Variants in ZNF804A observed in about 807,000 individuals in gnomAD.
The protein encoded by ZNF804A is zinc finger protein 804A.
Under a neutral mutation model 16.5 loss-of-function variants are expected in ZNF804A, and 2 were observed. The ratio of observed to expected loss-of-function variants is 0.12; its 90% CI spans 0.05 to 0.38. ZNF804A has a LOEUF of 0.38. ZNF804A is among the 10% of genes least tolerant of loss of function. The pLI, the probability that ZNF804A is intolerant of heterozygous loss-of-function variation, is 0.99. For synonymous variants in ZNF804A, 534 were observed against 489.6 expected, an observed-to-expected ratio of 1.09 and a Z score of -1.20; for missense variants, 1,473 against 1,390.7, an observed-to-expected ratio of 1.06 and a Z score of -0.94.
intron 2 of ZNF804A, among the ~76,000 whole-genome samples, chr2:184,886,804 C>A (rs183507603): frequency 6.6e-6 from 1 of 152,302 alleles, no homozygotes; most frequent in East Asian, 1.9e-4. Flanking sequence ...CTGCACACAG[C>A]GTGGGGGCCT....
intron 2 of ZNF804A, among the ~76,000 whole-genome samples, chr2:184,891,781 T>G (rs1016897383): frequency 6.6e-6 from 1 of 152,212 alleles, no homozygotes; most frequent in Non-Finnish European, 1.5e-5. Context: ...CTTTATCCAG[T>G]ATTAACAATA....
intron 1 of ZNF804A, among the ~76,000 whole-genome samples, chr2:184,801,787 T>C (rs1420566748): frequency 2.6e-5 from 4 of 152,244 alleles, no homozygotes; most frequent in African/African-American, 7.2e-5. Flanking sequence ...AATAACAGTA[T>C]ACTTCTGATG....
chr2:184,623,470 T>C (rs1691448840), intron 1 of ZNF804A, among the ~76,000 whole-genome samples: 1 of 152,138 alleles, frequency 6.6e-6, no homozygotes, highest in African/African-American at 2.4e-5. Context: ...GTACTAAATG[T>C]ATGTAAATTA....
chr2:184,857,715 A>G (rs190958767), intron 1 of ZNF804A, among the ~76,000 whole-genome samples: 4 of 152,312 alleles, frequency 2.6e-5, no homozygotes, highest in East Asian at 3.9e-4. Context: ...TTAACACTAT[A>G]TAATGACCTT....
At chr2:184,779,368 C>A (rs1694339889) in intron 1 of ZNF804A, among the ~76,000 whole-genome samples, 1 of 151,686 alleles carries the variant, frequency 6.6e-6, no homozygotes, top group Non-Finnish European at 1.5e-5. Flanking sequence ...TCTGTTGCTT[C>A]AGAGCTGTTT....
intron 1 of ZNF804A, among the ~76,000 whole-genome samples, chr2:184,657,306 C>G (rs1035609239): frequency 5.9e-5 from 9 of 152,060 alleles, no homozygotes; most frequent in Admixed American, 2.0e-4. Flanking sequence ...GGGTTAGTCT[C>G]GAACTCCTGG....
At chr2:184,603,332 G>A (rs566066948) in intron 1 of ZNF804A, among the ~76,000 whole-genome samples, 7 of 152,216 alleles carry the variant, frequency 4.6e-5, no homozygotes, top group African/African-American at 1.7e-4. Flanking sequence ...TGACATGTTT[G>A]TAGGTTTCTT....
intron 1 of ZNF804A, among the ~76,000 whole-genome samples, chr2:184,687,276 G>A (rs934314737): frequency 6.6e-6 from 1 of 152,138 alleles, no homozygotes; most frequent in African/African-American, 2.4e-5. Context: ...TATTGAACCT[G>A]GAGTCCTTTA....
At chr2:184,651,242 A>G (rs1376866947) in intron 1 of ZNF804A, among the ~76,000 whole-genome samples, 2 of 152,026 alleles carry the variant, frequency 1.3e-5, no homozygotes, top group East Asian at 1.9e-4. Flanking sequence ...CTAGCCATAT[A>G]CAGAAGGTGG....
At chr2:184,914,935 A>T (rs553397696) in intron 2 of ZNF804A, among the ~76,000 whole-genome samples, 5 of 151,830 alleles carry the variant, frequency 3.3e-5, no homozygotes, top group African/African-American at 1.2e-4. Context: ...TTACTTGTGA[A>T]TGTTCAATGA....
chr2:184,631,684 G>A (rs80243100), intron 1 of ZNF804A, among the ~76,000 whole-genome samples: 2,920 of 152,256 alleles, frequency 0.019, 38 homozygotes, highest in Non-Finnish European at 0.03. Flanking sequence ...TTAATGAAAT[G>A]AAATTTGGTA....
At chr2:184,728,677 G>T (rs367677483) in intron 1 of ZNF804A, among the ~76,000 whole-genome samples, 106 of 151,920 alleles carry the variant, frequency 7.0e-4, no homozygotes, top group African/African-American at 2.5e-3. Context: ...ATTGGAAGAA[G>T]TTTCTTTCTA....
rs148567427 is a variant in ZNF804A at position 184,931,733 on chromosome 2, G to A, written c.256-1870G>A. 1.6e-4 allele frequency among the ~76,000 whole-genome samples: 25 copies of A among 152,278 alleles called. No individual in the cohort carries two copies. In the East Asian group the frequency reaches 4.8e-3, roughly 29 times the overall value. On this transcript the variant is annotated intron_variant, in intron 2 of 3. Transcript: ENST00000302277. ...TTACTTATGCAAATTTCCGCAGCCA[G>A]CTTGAATTTCTCCTCAGAAAATGGG...
intron 2 of ZNF804A, among the ~76,000 whole-genome samples, chr2:184,899,883 A>C (rs1685150596): frequency 6.6e-6 from 1 of 151,984 alleles, no homozygotes; most frequent in Non-Finnish European, 1.5e-5. Context: ...TGCAAAAGTA[A>C]AGTTTTTCTT....
intron 2 of ZNF804A, among the ~76,000 whole-genome samples, chr2:184,896,255 T>A (rs1685064346): frequency 6.6e-6 from 1 of 152,112 alleles, no homozygotes; most frequent in African/African-American, 2.4e-5. Flanking sequence ...TCTAACTCCC[T>A]ATCAGGATGC....
At chr2:184,857,336 A>G (rs541171291) in intron 1 of ZNF804A, among the ~76,000 whole-genome samples, 22 of 152,146 alleles carry the variant, frequency 1.4e-4, no homozygotes, top group Non-Finnish European at 2.9e-4. Flanking sequence ...GTGATCAGAA[A>G]TAAAGATTGA....
At chr2:184,854,105 C>G (rs964786105) in intron 1 of ZNF804A, among the ~76,000 whole-genome samples, 18 of 151,920 alleles carry the variant, frequency 1.2e-4, no homozygotes, top group African/African-American at 4.3e-4. Flanking sequence ...TCTTCCTACT[C>G]ATTATTGGCC....
rs534184305 is a variant in ZNF804A, at chr2:184,856,641, G to A, written c.112-9728G>A. 1.7e-4 allele frequency among the ~76,000 whole-genome samples: 26 copies of A among 152,178 alleles called. No individual in the cohort carries two copies. In the East Asian group the frequency reaches 3.3e-3, roughly 19 times the overall value. The stretch of plus-strand genomic sequence containing the variant: ...TGGTGATACCAAACAACCACAGATC[G>A]TACAGAAGTGGCTGAGATAGTGACA... On this transcript the variant is annotated intron_variant, in intron 1 of 3. Coordinates refer to ENST00000302277, the MANE Select transcript of ZNF804A (RefSeq NM_194250.2).
intron 1 of ZNF804A, among the ~76,000 whole-genome samples, chr2:184,740,032 G>T (rs1448808217): frequency 6.7e-6 from 1 of 149,026 alleles, no homozygotes; most frequent in Non-Finnish European, 1.5e-5. Flanking sequence ...CTGTATTTTA[G>T]TCAACCATCT....
Sources: allele counts gnomAD v4.1 joint callset (sites outside exome capture counted in the v4.1 genomes callset), GRCh38; gene constraint gnomAD v4.1.1; transcripts MANE v1.5; gene names NCBI Gene and HGNC (gene_info 2026-07-23, HGNC 2026-07-21).